The following FARS2 variants were observed in gnomAD, a reference collection of about 807,000 sequenced individuals.
FARS2 encodes phenylalanine--tRNA ligase, mitochondrial.
Under a neutral mutation model 46.4 loss-of-function variants are expected in FARS2, and 40 were observed. The observed-to-expected ratio is 0.86, with a 90% confidence interval of 0.67 to 1.12. The LOEUF (loss-of-function observed/expected upper bound fraction) is 1.12. Among genes scored for constraint, FARS2 ranks in the 50% most tolerant of loss-of-function variants. The pLI is 0.00. For synonymous variants in FARS2, 234 were observed against 214.9 expected (o/e 1.09, Z -0.78); for missense variants, 513 against 567.9 (o/e 0.90, Z 0.98).
chr6:5,512,845 TG>T (rs1768540402), intron 4 of FARS2, among the ~76,000 whole-genome samples: 2 of 152,072 alleles, frequency 1.3e-5, no homozygotes, highest in Admixed American at 1.3e-4. Flanking sequence ...GAACATAGGT[TG>T]GGGACTGCAA....
intron 4 of FARS2, among the ~76,000 whole-genome samples, chr6:5,473,864 C>T (rs981769368): frequency 6.6e-6 from 1 of 152,172 alleles, no homozygotes; most frequent in Non-Finnish European, 1.5e-5. Context: ...GATCTCAGTG[C>T]ACAGGCCACA....
At chr6:5,641,520 C>T (rs911343430) in intron 6 of FARS2, among the ~76,000 whole-genome samples, 33 of 152,154 alleles carry the variant, frequency 2.2e-4, no homozygotes, top group African/African-American at 7.5e-4. Context: ...TGGTCTCAAA[C>T]CCCTGACCTC....
At chr6:5,677,902 G>A (rs996501747) in intron 6 of FARS2, among the ~76,000 whole-genome samples, 1 of 152,214 alleles carries the variant, frequency 6.6e-6, no homozygotes, top group Admixed American at 6.5e-5. Context: ...GAATGAATCA[G>A]TCTGTCAGGC....
chr6:5,328,162 A>T (rs1161552694), intron 1 of FARS2, among the ~76,000 whole-genome samples: 1 of 152,160 alleles, frequency 6.6e-6, no homozygotes, highest in Non-Finnish European at 1.5e-5. Flanking sequence ...TAAGTCATTT[A>T]TTCATTTAGA....
At chr6:5,729,824 C>G (rs1319350986) in intron 6 of FARS2, among the ~76,000 whole-genome samples, 2 of 152,174 alleles carry the variant, frequency 1.3e-5, no homozygotes, top group African/African-American at 4.8e-5. Context: ...CTGAAAACAC[C>G]TACCTGTTTC....
At chr6:5,310,005 A>G (rs1768978788) in intron 1 of FARS2, among the ~76,000 whole-genome samples, 1 of 152,222 alleles carries the variant, frequency 6.6e-6, no homozygotes, top group South Asian at 2.1e-4. Context: ...AGATCTTGCT[A>G]CAGAAAAAGA....
chr6:5,728,036 G>C (rs538244162), intron 6 of FARS2, among the ~76,000 whole-genome samples: 2 of 152,238 alleles, frequency 1.3e-5, no homozygotes, highest in African/African-American at 4.8e-5. Flanking sequence ...AGTGAGAGAT[G>C]AGTGGATGCC....
chr6:5,570,217 A>T (rs920649128), intron 5 of FARS2, among the ~76,000 whole-genome samples: 8 of 152,260 alleles, frequency 5.3e-5, no homozygotes, highest in Non-Finnish European at 1.0e-4. Flanking sequence ...AAAATGTTCT[A>T]TCTAGAAAGT....
chr6:5,281,292 A>G (rs1341524966), intron 1 of FARS2, among the ~76,000 whole-genome samples: 1 of 152,210 alleles, frequency 6.6e-6, no homozygotes, highest in African/African-American at 2.4e-5. Flanking sequence ...TTAATAATTC[A>G]TGTATTAGAG....
At chr6:5,643,619 C>T (rs1306587660) in intron 6 of FARS2, among the ~76,000 whole-genome samples, 3 of 152,168 alleles carry the variant, frequency 2.0e-5, no homozygotes, top group African/African-American at 4.8e-5. Flanking sequence ...GGCTGGCTCT[C>T]ACTGAAGTAT....
intron 6 of FARS2, among the ~76,000 whole-genome samples, chr6:5,739,943 A>G (rs1290270881): frequency 6.6e-6 from 1 of 152,230 alleles, no homozygotes; most frequent in Non-Finnish European, 1.5e-5. Context: ...TCTACGAGGT[A>G]GATACTATTG....
chr6:5,735,778 A>T (rs912724463), intron 6 of FARS2, among the ~76,000 whole-genome samples: 2 of 152,180 alleles, frequency 1.3e-5, no homozygotes, highest in South Asian at 4.1e-4. Context: ...AGCTGCCTTC[A>T]TCCCCAGCCT....
At chr6:5,705,779 C>T (rs1032845683) in intron 6 of FARS2, among the ~76,000 whole-genome samples, 13 of 152,166 alleles carry the variant, frequency 8.5e-5, no homozygotes, top group African/African-American at 3.1e-4. Context: ...CGCCCCTGTG[C>T]CTCCCCATTC....
intron 6 of FARS2, among the ~76,000 whole-genome samples, chr6:5,698,661 C>G (rs575202880): frequency 2.6e-5 from 4 of 152,316 alleles, no homozygotes; most frequent in African/African-American, 9.6e-5. Flanking sequence ...CCAGCAGGCT[C>G]ACCAGGCCTC....
At chr6:5,273,524 T>A (rs78530840) in intron 1 of FARS2, among the ~76,000 whole-genome samples, 15 of 149,944 alleles carry the variant, frequency 1.0e-4, no homozygotes, top group African/African-American at 2.7e-4. Context: ...GTTTTTTTTT[T>A]ATTGAGTTGT....
chr6:5,380,027 G>A (rs558169636), intron 2 of FARS2, among the ~76,000 whole-genome samples: 8 of 152,316 alleles, frequency 5.3e-5, no homozygotes, highest in African/African-American at 1.7e-4. Context: ...TATCATTTAT[G>A]CAATTACATG....
chr6:5,393,662 AG>A, intron 2 of FARS2, among the ~76,000 whole-genome samples: 1 of 152,284 alleles, frequency 6.6e-6, no homozygotes, highest in South Asian at 2.1e-4. Context: ...CCTAAAAAAA[AG>A]GCAAGAAGAT....
intron 4 of FARS2, among the ~76,000 whole-genome samples, chr6:5,449,032 A>G (rs1429875643): frequency 6.6e-6 from 1 of 152,206 alleles, no homozygotes; most frequent in Non-Finnish European, 1.5e-5. Flanking sequence ...GCTCTGTAAG[A>G]GATTTTGAAT....
chr6:5,476,825 C>T (rs1766150612), intron 4 of FARS2, among the ~76,000 whole-genome samples: 1 of 151,972 alleles, frequency 6.6e-6, no homozygotes, highest in Non-Finnish European at 1.5e-5. Context: ...GGGCTTAACT[C>T]CTGAGGCTGC....
Sources: allele counts gnomAD v4.1 joint callset (sites outside exome capture counted in the v4.1 genomes callset), GRCh38; gene constraint gnomAD v4.1.1; transcripts MANE v1.5; gene names NCBI Gene and HGNC (gene_info 2026-07-23, HGNC 2026-07-21).